DHX9: variants seen among roughly 807,000 people sequenced by gnomAD.
DHX9 encodes ATP-dependent RNA helicase A.
DHX9 carries 27 observed loss-of-function variants against 148.7 expected under a neutral mutation model. The ratio of observed to expected loss-of-function variants is 0.18; its 90% confidence interval spans 0.13 to 0.25. The LOEUF (loss-of-function observed/expected upper bound fraction) is 0.25. DHX9 is among the 10% of genes least tolerant of loss of function. The pLI is 1.00. For synonymous variants in DHX9, 529 were observed against 516.6 expected, an observed-to-expected ratio of 1.02 and a Z score of -0.33; for missense variants, 796 against 1,559.6, an observed-to-expected ratio of 0.51 and a Z score of 8.25.
intron 6 of DHX9, among the ~76,000 whole-genome samples, chr1:182,855,274 G>C (rs968864417): frequency 6.6e-6 from 1 of 152,180 alleles, no homozygotes; most frequent in Non-Finnish European, 1.5e-5. Context: ...GTGACTTTAA[G>C]AACAATGAGA....
chr1:182,858,391 C>A, intron 8 of DHX9, 151 bp downstream of exon 8: 1 of 1,093,116 alleles, frequency 9.1e-7, no homozygotes, highest in Non-Finnish European at 1.3e-6. Flanking sequence ...GCATGATGTT[C>A]ATAATAGGCA....
At chr1:182,886,384 C>T (rs746872388) in intron 27 of DHX9, among the ~76,000 whole-genome samples, 3 of 151,868 alleles carry the variant, frequency 2.0e-5, no homozygotes, top group Non-Finnish European at 4.4e-5. Context: ...TTAGTAGAAA[C>T]AGGGTTTTGC....
intron 14 of DHX9, among the ~76,000 whole-genome samples, chr1:182,867,918 G>T (rs529291867): frequency 6.6e-6 from 1 of 152,290 alleles, no homozygotes; most frequent in East Asian, 1.9e-4. Context: ...GACTTTCAAA[G>T]GTTTCAGTGC....
At chr1:182,862,593 T>G (rs1352978679) in intron 12 of DHX9, among the ~76,000 whole-genome samples, 2 of 152,182 alleles carry the variant, frequency 1.3e-5, no homozygotes, top group African/African-American at 4.8e-5. Flanking sequence ...AAGATAGAGA[T>G]AGTGGAGCCT....
Position 182,876,147 on chromosome 1 carries a change from A to G in DHX9, c.1913A>G (p.Glu638Gly), listed in dbSNP as rs1358029175. 1 of 1,614,004 alleles carries G rather than the reference A, an allele frequency of 6.2e-7. No homozygotes were observed. The highest frequency in any genetic ancestry group is 1.1e-5 in the South Asian group (1 of 91,078). ...NEKETPFELI[E>G]ALLKYIETLN... is the part of the protein sequence containing the mutation. ...AAGGAAACTCCTTTTGAACTCATCG[A>G]GGCTCTACTTAAGTACATTGAAACC... The change falls in exon 17 of 28, where the codon GAG becomes GGG. Residue 638 changes from glutamate (E) to glycine (G), a missense_variant. By Grantham distance (98) the Glu-to-Gly change is moderately conservative (BLOSUM62 -2). Around this residue, in one of 14 missense-constraint regions of DHX9, gnomAD observed 133 missense variants for 223.8 expected, o/e 0.59. Coordinates refer to ENST00000367549, the MANE Select transcript of DHX9 (RefSeq NM_001357.5).
chr1:182,840,605 T>A (rs1271577505), intron 1 of DHX9, among the ~76,000 whole-genome samples: 1 of 152,146 alleles, frequency 6.6e-6, no homozygotes, highest in Non-Finnish European at 1.5e-5. Flanking sequence ...CCCGAATTCT[T>A]GCTCTTATAA....
Position 182,880,487 on chromosome 1 carries a change from C to A in DHX9, c.2513-10C>A, listed in dbSNP as rs777669389. The A allele has an allele frequency of 2.5e-6, 4 of 1,574,030 alleles. No individual in the cohort carries two copies. The South Asian group carries it at 4.5e-5, about 18-fold the overall frequency. ...TTTGTTTCTGCTCACAAAGAACTATCTCCCCACAGAGCTTGATGCATTAGA... is the reference window on the plus strand; with the variant it reads ...TTTGTTTCTGCTCACAAAGAACTATATCCCCACAGAGCTTGATGCATTAGA... On this transcript the variant is annotated splice_polypyrimidine_tract_variant and intron_variant, in intron 21 of 27. Coordinates refer to ENST00000367549, the MANE Select transcript of DHX9 (RefSeq NM_001357.5).
chr1:182,884,368 G>A lies in DHX9; in HGVS notation c.3261-245G>A, dbSNP rs149538461. 1.5e-3 allele frequency among the ~76,000 whole-genome samples: 226 copies of A among 152,142 alleles called. 2 individuals carry two copies. Among genetic ancestry groups the A allele is most frequent in the African/African-American group, 5.2e-3 (217 of 41,522 alleles). ...TTATTATATTTTATTTGGCTTGATA[G>A]ACTTTTTGGCTTAAGACTCCTGCTC... On this transcript the variant is annotated intron_variant, in intron 26 of 27. Transcript: ENST00000367549.
At chr1:182,875,032 A>T in intron 16 of DHX9, 78 bp downstream of exon 16, 1 of 1,117,200 alleles carries the variant, frequency 9.0e-7, no homozygotes, top group Non-Finnish European at 1.4e-6. Flanking sequence ...TGTAACATGC[A>T]ATGTATTAGC....
At chr1:182,842,723 T>C (rs765535413) in intron 2 of DHX9, 46 bp downstream of exon 2, 1 of 1,477,830 alleles carries the variant, frequency 6.8e-7, no homozygotes, top group South Asian at 1.3e-5. Flanking sequence ...TGAGGTTCAT[T>C]TTGGGGTTAA....
rs1400413772 is a variant in DHX9, at chr1:182,872,392, G to A, written c.1613G>A (p.Arg538His). 4 of 1,613,862 alleles carry A rather than the reference G, an allele frequency of 2.5e-6. No individual in the cohort carries two copies. Among genetic ancestry groups the A allele is most frequent in the South Asian group, 2.2e-5 (2 of 91,052 alleles). Residue 538 changes from arginine (R) to histidine (H), a missense_variant, in exon 15 of 28, where the codon CGC becomes CAC. Transcript: ENST00000367549. Reference sequence around the variant, plus strand: ...GTTGTTCAGGCTTATCCTGAAGTTCGCATTGTTCTTATGTCTGCTACTATT... The same window carrying A: ...GTTGTTCAGGCTTATCCTGAAGTTCACATTGTTCTTATGTCTGCTACTATT... ...RDVVQAYPEV[R>H]IVLMSATIDT...
intron 3 of DHX9, among the ~76,000 whole-genome samples, chr1:182,846,386 C>T (rs761169363): frequency 1.3e-5 from 2 of 152,092 alleles, no homozygotes; most frequent in African/African-American, 2.4e-5. Flanking sequence ...TGGCATGTGC[C>T]GCCATGCCCG....
intron 1 of DHX9, chr1:182,839,898 G>A (rs1363144689): frequency 6.6e-6 from 1 of 152,302 alleles, no homozygotes; most frequent in Non-Finnish European, 1.5e-5. Context: ...AAAAATTGAA[G>A]AATGTAAAGG....
chr1:182,859,124 C>A lies in DHX9; in HGVS notation c.1140+7C>A. ...GGATCATGATTTGCAAGCAGTAAGTCTGAATTATTTAGACAAGTAGTGCTC... is the reference window on the plus strand; with the variant it reads ...GGATCATGATTTGCAAGCAGTAAGTATGAATTATTTAGACAAGTAGTGCTC... On this transcript the variant is annotated splice_region_variant and intron_variant, in intron 11 of 27. Coordinates refer to ENST00000367549, the MANE Select transcript of DHX9 (RefSeq NM_001357.5). 6.2e-7 allele frequency: 1 copy of A among 1,612,380 alleles called. No individual in the cohort carries two copies. The highest frequency in any genetic ancestry group is 1.1e-5 in the South Asian group (1 of 90,906).
chr1:182,873,254 CCTT>C (rs1241485524), intron 15 of DHX9, among the ~76,000 whole-genome samples: 1 of 152,188 alleles, frequency 6.6e-6, no homozygotes, highest in Non-Finnish European at 1.5e-5. Context: ...CTGCGCCCAG[CCTT>C]CTTTACTGTC....
intron 3 of DHX9, among the ~76,000 whole-genome samples, chr1:182,847,381 G>GTTTTC (rs1668052022): frequency 6.6e-6 from 1 of 152,184 alleles, no homozygotes; most frequent in East Asian, 1.9e-4. Flanking sequence ...GTTTTGTTTT[G>GTTTTC]TTTTGTTTTT....
intron 27 of DHX9, 45 bp downstream of exon 27, chr1:182,884,858 A>C: frequency 6.3e-7 from 1 of 1,588,810 alleles, no homozygotes; most frequent in Non-Finnish European, 8.6e-7. Context: ...GAGGGGAGAG[A>C]TCTTATGTAG....
intron 12 of DHX9, among the ~76,000 whole-genome samples, chr1:182,862,815 A>G (rs1416715172): frequency 6.6e-6 from 1 of 152,232 alleles, no homozygotes; most frequent in Non-Finnish European, 1.5e-5. Flanking sequence ...ACAAAATAAC[A>G]GTTTGGGAGA....
chr1:182,856,933 TC>T (rs1157686520), intron 7 of DHX9, among the ~76,000 whole-genome samples: 3 of 151,970 alleles, frequency 2.0e-5, no homozygotes, highest in Non-Finnish European at 2.9e-5. Flanking sequence ...CACTGCAAGC[TC>T]CGCCTCCCAG....
Sources: allele counts gnomAD v4.1 joint callset (sites outside exome capture counted in the v4.1 genomes callset), GRCh38; gene constraint gnomAD v4.1.1; regional missense constraint gnomAD v4.1.1; transcripts MANE v1.5; gene names NCBI Gene and HGNC (gene_info 2026-07-23, HGNC 2026-07-21).